ERBB4: variants seen among roughly 807,000 people sequenced by gnomAD.
ERBB4 encodes the protein erb-b2 receptor tyrosine kinase 4.
Under a neutral mutation model 158.0 loss-of-function variants are expected in ERBB4, and 42 were observed. The ratio of observed to expected loss-of-function variants is 0.27; its 90% CI spans 0.21 to 0.34. The LOEUF is 0.34. Among genes scored for constraint, ERBB4 ranks in the 10% least tolerant of loss-of-function variants. The pLI, the probability that ERBB4 is intolerant of heterozygous loss-of-function variation, is 1.00. For missense variants in ERBB4, 1,333 were observed against 1,624.1 expected (o/e 0.82, Z 3.08); for synonymous variants, 583 against 558.7 (o/e 1.04, Z -0.61).
chr2:211,860,393 G>C (rs1237651331), intron 3 of ERBB4, among the ~76,000 whole-genome samples: 4 of 152,198 alleles, frequency 2.6e-5, no homozygotes, highest in Admixed American at 2.6e-4. Context: ...CAAGCACCAA[G>C]GAACTAATAA....
chr2:212,204,888 G>A (rs369567357), intron 1 of ERBB4, among the ~76,000 whole-genome samples: 2 of 142,180 alleles, frequency 1.4e-5, no homozygotes, highest in Admixed American at 7.4e-5. Context: ...GCATGATCTC[G>A]GCTCACCACA....
chr2:212,353,530 G>C (rs2089343602), intron 1 of ERBB4, among the ~76,000 whole-genome samples: 1 of 151,296 alleles, frequency 6.6e-6, no homozygotes, highest in Non-Finnish European at 1.5e-5. Flanking sequence ...TTTCCTATTA[G>C]TTTCCTCTGT....
intron 19 of ERBB4, among the ~76,000 whole-genome samples, chr2:211,588,122 GTTTC>G (rs770783601): frequency 9.9e-5 from 15 of 152,028 alleles, no homozygotes; most frequent in African/African-American, 1.4e-4. Flanking sequence ...GTTTTAATGT[GTTTC>G]TTTTTGTGTA....
intron 3 of ERBB4, among the ~76,000 whole-genome samples, chr2:211,879,086 C>G (rs2078593675): frequency 6.6e-6 from 1 of 151,992 alleles, no homozygotes; most frequent in South Asian, 2.1e-4. Flanking sequence ...TATCTTAACC[C>G]AAGCTATCTG....
intron 16 of ERBB4, among the ~76,000 whole-genome samples, chr2:211,636,922 T>C (rs1373459142): frequency 6.6e-6 from 1 of 151,860 alleles, no homozygotes; most frequent in Non-Finnish European, 1.5e-5. Context: ...TGTGCATATA[T>C]ACACATTCAC....
At chr2:211,912,282 C>T (rs2079559094) in intron 3 of ERBB4, among the ~76,000 whole-genome samples, 1 of 152,014 alleles carries the variant, frequency 6.6e-6, no homozygotes, top group South Asian at 2.1e-4. Flanking sequence ...GGAAGACAAG[C>T]TTCCATTTGG....
intron 18 of ERBB4, among the ~76,000 whole-genome samples, chr2:211,623,365 G>C (rs964790200): frequency 6.6e-6 from 1 of 151,748 alleles, no homozygotes; most frequent in African/African-American, 2.4e-5. Flanking sequence ...TCAAAACCAT[G>C]GAAATTATTT....
At chr2:212,474,801 A>G (rs1444767126) in intron 1 of ERBB4, among the ~76,000 whole-genome samples, 1 of 127,540 alleles carries the variant, frequency 7.8e-6, no homozygotes, top group Non-Finnish European at 1.6e-5. Context: ...ACTAATCACC[A>G]TTTCCTGACA....
intron 20 of ERBB4, among the ~76,000 whole-genome samples, chr2:211,559,421 TATA>T (rs2067325711): frequency 6.6e-6 from 1 of 152,214 alleles, no homozygotes; most frequent in East Asian, 1.9e-4. Flanking sequence ...TGGGTAACCA[TATA>T]ATATGTTCTG....
intron 16 of ERBB4, among the ~76,000 whole-genome samples, chr2:211,641,084 A>G (rs1370773768): frequency 6.6e-6 from 1 of 152,100 alleles, no homozygotes; most frequent in Non-Finnish European, 1.5e-5. Context: ...TATTCTTGTA[A>G]TTTCAAGACC....
intron 16 of ERBB4, among the ~76,000 whole-genome samples, chr2:211,636,021 G>C (rs2070345694): frequency 6.6e-6 from 1 of 151,698 alleles, no homozygotes; most frequent in South Asian, 2.1e-4. Flanking sequence ...TTTGAAGAAA[G>C]GTCTTCAGGA....
At position 212,081,441 on chromosome 2, in the gene ERBB4, C is replaced by G. The variant is rs181219044; in HGVS notation, c.234+43311G>C. Reference sequence around the variant, plus strand: ...AAATTGCCTTTCCTGGATGACAGTGCGGTACTAATCATGTAATGCCATCAC... The same window carrying G: ...AAATTGCCTTTCCTGGATGACAGTGGGGTACTAATCATGTAATGCCATCAC... On this transcript the variant is annotated intron_variant, in intron 2 of 27. Transcript: ENST00000342788. Among the ~76,000 whole-genome samples the G allele has an allele frequency of 2.0e-3, 312 of 152,200 alleles. 3 individuals carry two copies. Among genetic ancestry groups the G allele is most frequent in the Non-Finnish European group, 2.8e-3 (190 of 68,008 alleles).
intron 1 of ERBB4, among the ~76,000 whole-genome samples, chr2:212,390,562 C>G (rs1416005205): frequency 6.6e-6 from 1 of 151,660 alleles, no homozygotes; most frequent in Non-Finnish European, 1.5e-5. Context: ...GACCTAGATG[C>G]TAGAAAGGAA....
chr2:211,509,922 T>G (rs2065847481), intron 20 of ERBB4, among the ~76,000 whole-genome samples: 1 of 152,050 alleles, frequency 6.6e-6, no homozygotes, highest in Non-Finnish European at 1.5e-5. Flanking sequence ...TGAATGGCTA[T>G]TCATAAAAGT....
chr2:211,529,314 CAAAACCTG>C (rs2066433621), intron 20 of ERBB4, among the ~76,000 whole-genome samples: 1 of 151,182 alleles, frequency 6.6e-6, no homozygotes, highest in Non-Finnish European at 1.5e-5. Context: ...TGAAGAAATC[CAAAACCTG>C]AACAAACAAG....
At chr2:212,498,095 A>T (rs1433838531) in intron 1 of ERBB4, among the ~76,000 whole-genome samples, 2 of 151,028 alleles carry the variant, frequency 1.3e-5, no homozygotes, top group Non-Finnish European at 2.9e-5. Context: ...AAGCCTTTCT[A>T]TTGTGTGTGT....
intron 5 of ERBB4, among the ~76,000 whole-genome samples, chr2:211,740,607 ATTTCT>A (rs1261087393): frequency 1.9e-5 from 2 of 105,268 alleles, no homozygotes; most frequent in African/African-American, 7.2e-5. Context: ...TTACTTAATT[ATTTCT>A]TTTCTTTGTC....
chr2:211,865,856 T>C (rs2078192054), intron 3 of ERBB4, among the ~76,000 whole-genome samples: 1 of 152,200 alleles, frequency 6.6e-6, no homozygotes, highest in Admixed American at 6.5e-5. Context: ...ACCATTCATA[T>C]TATACTACTT....
intron 1 of ERBB4, among the ~76,000 whole-genome samples, chr2:212,451,396 A>G (rs987721131): frequency 6.6e-6 from 1 of 152,242 alleles, no homozygotes; most frequent in Non-Finnish European, 1.5e-5. Flanking sequence ...GATTGAAAAT[A>G]TCCTCAAATA....
Sources: allele counts gnomAD v4.1 joint callset (sites outside exome capture counted in the v4.1 genomes callset), GRCh38; gene constraint gnomAD v4.1.1; transcripts MANE v1.5; gene names NCBI Gene and HGNC (gene_info 2026-07-23, HGNC 2026-07-21).